UGT1A8: variants seen among roughly 807,000 people sequenced by gnomAD.
UGT1A8 encodes the protein UDP glucuronosyltransferase family 1 member A8.
A neutral mutation model predicts 45.3 loss-of-function variants in UGT1A8; 39 were observed. The observed-to-expected ratio is 0.86, with a 90% CI of 0.67 to 1.12. The LOEUF (loss-of-function observed/expected upper bound fraction) is 1.12. Among genes scored for constraint, UGT1A8 ranks in the 50% most tolerant of loss-of-function variants. The probability of loss-of-function intolerance (pLI) is 0.00; values close to 1 mark genes in which losing one functional copy is unlikely to be tolerated. For missense variants in UGT1A8, 719 were observed against 664.9 expected (o/e 1.08, Z -0.90); for synonymous variants, 275 against 249.2 (o/e 1.10, Z -0.97).
chr2:233,688,461 T>C (rs1202418900), intron 1 of UGT1A8, among the ~76,000 whole-genome samples: 1 of 152,198 alleles, frequency 6.6e-6, no homozygotes, highest in Non-Finnish European at 1.5e-5. Context: ...ACAGGAAACT[T>C]CTTGGGAAAT....
In UGT1A8 at chr2:233,760,224, G is replaced by C. The variant is rs873478; in HGVS notation, c.856-6810G>C. 2,101 of 1,586,308 alleles carry C rather than the reference G, an allele frequency of 1.3e-3. 36 individuals are homozygous for C. The East Asian group carries it at 0.037, about 28-fold the overall frequency. ...CAAACATTAACTTGGTGTATCGATT[G>C]GTTTTTGCCATATATATATATATAA... is the stretch of plus-strand genomic sequence containing the variant. On this transcript the variant is annotated intron_variant, in intron 1 of 4. Coordinates refer to ENST00000373450, the MANE Select transcript of UGT1A8 (RefSeq NM_019076.5).
chr2:233,713,100 G>A (rs528791114), intron 1 of UGT1A8: 8 of 1,614,218 alleles, frequency 5.0e-6, no homozygotes, highest in Non-Finnish European at 5.9e-6. Flanking sequence ...GGTGCCCACT[G>A]ATGGCAGCCA....
At chr2:233,672,511 A>G (rs762199881) in intron 1 of UGT1A8, 3 of 1,613,780 alleles carry the variant, frequency 1.9e-6, no homozygotes, top group African/African-American at 1.3e-5. Context: ...TGTCCCCAGA[A>G]TTCTCTTAGG....
chr2:233,665,282 G>C (rs2074049883), intron 1 of UGT1A8, among the ~76,000 whole-genome samples: 1 of 152,174 alleles, frequency 6.6e-6, no homozygotes, highest in African/African-American at 2.4e-5. Context: ...TATTGATATA[G>C]ATTTAGGCAT....
chr2:233,650,527 G>GT (rs2073713269), intron 1 of UGT1A8, among the ~76,000 whole-genome samples: 1 of 152,184 alleles, frequency 6.6e-6, no homozygotes, highest in South Asian at 2.1e-4. Context: ...TGGTCTGCTG[G>GT]TGTAGGCTTT....
chr2:233,658,496 C>T (rs938059035), intron 1 of UGT1A8, among the ~76,000 whole-genome samples: 4 of 152,182 alleles, frequency 2.6e-5, no homozygotes, highest in South Asian at 4.1e-4. Flanking sequence ...TAGCCCATCA[C>T]GCCCCCTTCA....
At chr2:233,634,899 A>T (rs561363833) in intron 1 of UGT1A8, among the ~76,000 whole-genome samples, 5 of 150,658 alleles carry the variant, frequency 3.3e-5, no homozygotes, top group Non-Finnish European at 7.4e-5. Flanking sequence ...TATAGTGTCA[A>T]TTGTCCTGAC....
At chr2:233,755,357 TGGGCCGCCTGGA>T in intron 1 of UGT1A8, 1 of 376,616 alleles carries the variant, frequency 2.7e-6, no homozygotes, top group South Asian at 2.2e-5. Context: ...CTTGGCGACC[TGGGCCGCCTGGA>T]GGGCCGCCCC....
chr2:233,736,518 C>T (rs567664154), intron 1 of UGT1A8, among the ~76,000 whole-genome samples: 3 of 152,304 alleles, frequency 2.0e-5, no homozygotes, highest in Admixed American at 1.3e-4. Context: ...TCTGTCAACT[C>T]GTCAAAGTCA....
intron 1 of UGT1A8, among the ~76,000 whole-genome samples, chr2:233,621,401 GTA>G (rs2073004344): frequency 6.6e-6 from 1 of 152,148 alleles, no homozygotes; most frequent in African/African-American, 2.4e-5. Context: ...ACCATCCATG[GTA>G]GGTTCAGCTC....
At chr2:233,662,520 T>G (rs1464202199) in intron 1 of UGT1A8, among the ~76,000 whole-genome samples, 1 of 152,238 alleles carries the variant, frequency 6.6e-6, no homozygotes, top group Non-Finnish European at 1.5e-5. Flanking sequence ...TACTTATTTG[T>G]TCTTGGAGGT....
At position 233,682,011 on chromosome 2, in the gene UGT1A8, C is replaced by T; in HGVS notation, c.855+63449C>T. 7 of 1,614,162 alleles carry T rather than the reference C, an allele frequency of 4.3e-6. No individual in the cohort carries two copies. Among genetic ancestry groups the T allele is most frequent in the Non-Finnish European group, 5.9e-6 (7 of 1,180,016 alleles). ...CTGCTGACCTGTGGCTTTGCCAAGG[C>T]AGGGAAGCTGCTGGTAGTGCCCATG... On this transcript the variant is annotated intron_variant, in intron 1 of 4. Coordinates refer to ENST00000373450, the MANE Select transcript of UGT1A8 (RefSeq NM_019076.5).
intron 1 of UGT1A8, chr2:233,719,436 A>G (rs749964914): frequency 6.2e-7 from 1 of 1,613,962 alleles, no homozygotes; most frequent in Non-Finnish European, 8.5e-7. Context: ...AGACCACATG[A>G]CATTCCTGCA....
At chr2:233,724,244 G>T (rs2077194489) in intron 1 of UGT1A8, among the ~76,000 whole-genome samples, 1 of 128,230 alleles carries the variant, frequency 7.8e-6, no homozygotes, top group East Asian at 2.4e-4. Context: ...GCCGGGCAGA[G>T]GCGCCCCTCA....
At chr2:233,767,711 C>G (rs990338657) in intron 2 of UGT1A8, 138 bp from the exon 3 acceptor site, 47 of 1,530,966 alleles carry the variant, frequency 3.1e-5, no homozygotes, top group Non-Finnish European at 4.1e-5. Flanking sequence ...TCCTCAGAAG[C>G]CTTCACAGTT....
intron 1 of UGT1A8, among the ~76,000 whole-genome samples, chr2:233,685,269 G>A (rs2074731208): frequency 2.0e-5 from 3 of 152,132 alleles, no homozygotes; most frequent in Non-Finnish European, 4.4e-5. Context: ...CTGACCTCAA[G>A]TGATCCGCCC....
In UGT1A8 at chr2:233,672,434, T is replaced by C. The variant is rs151238339; in HGVS notation, c.855+53872T>C. 9.3e-4 allele frequency: 1,499 copies of C among 1,613,976 alleles called. 4 individuals are homozygous for C. The highest frequency in any genetic ancestry group is 1.7e-3 in the Admixed American group (105 of 60,004). ...AAATATTTCTCCCTCCCCTCCGTGG[T>C]CTTCGCCAGGGGAATACTTTGCCAC... is the stretch of plus-strand genomic sequence containing the variant. On this transcript the variant is annotated intron_variant, in intron 1 of 4. Coordinates refer to ENST00000373450, the MANE Select transcript of UGT1A8 (RefSeq NM_019076.5).
chr2:233,741,489 A>G (rs1390991788), intron 1 of UGT1A8: 2 of 151,928 alleles, frequency 1.3e-5, no homozygotes, highest in African/African-American at 4.9e-5. Flanking sequence ...TCTGATGTAC[A>G]AAAAACTGAA....
At chr2:233,686,167 T>C (rs1171566476) in intron 1 of UGT1A8, among the ~76,000 whole-genome samples, 2 of 151,930 alleles carry the variant, frequency 1.3e-5, no homozygotes, top group African/African-American at 2.4e-5. Flanking sequence ...AAGACCTAAA[T>C]AGAAAATCTA....
Sources: allele counts gnomAD v4.1 joint callset (sites outside exome capture counted in the v4.1 genomes callset), GRCh38; gene constraint gnomAD v4.1.1; transcripts MANE v1.5; gene names NCBI Gene and HGNC (gene_info 2026-07-23, HGNC 2026-07-21).